The following DPP10 variants were observed in gnomAD, a reference collection of about 807,000 sequenced individuals.
DPP10 encodes dipeptidyl peptidase like 10, also known as inactive dipeptidyl peptidase 10.
In DPP10, 33 loss-of-function variants were observed where a neutral mutation model predicts 120.9. The observed-to-expected ratio is 0.27, with a 90% CI of 0.21 to 0.37. The LOEUF is 0.37. Among genes scored for constraint, DPP10 ranks in the 10% least tolerant of loss-of-function variants. DPP10 has a pLI of 1.00. For synonymous variants in DPP10, 337 were observed against 326.1 expected (o/e 1.03, Z -0.36); for missense variants, 816 against 942.8 (o/e 0.87, Z 1.76).
intron 1 of DPP10, among the ~76,000 whole-genome samples, chr2:115,032,842 G>T (rs550546212): frequency 2.0e-5 from 3 of 148,890 alleles, no homozygotes; most frequent in African/African-American, 7.5e-5. Flanking sequence ...CTGAGATCGC[G>T]CCATTGTACT....
At chr2:115,251,503 T>C (rs1262181125) in intron 1 of DPP10, among the ~76,000 whole-genome samples, 2 of 152,162 alleles carry the variant, frequency 1.3e-5, no homozygotes, top group South Asian at 4.1e-4. Context: ...CCCAGGATCT[T>C]AGCTCTAAGT....
Position 115,299,715 on chromosome 2 carries a change from C to T in DPP10, c.61-9524C>T, listed in dbSNP as rs527791417. Reference sequence around the variant, plus strand: ...AGTTTTGCTTCTGTATTTTTCTGTTCTTATTCATGCCACACATTATTCATT... The same window carrying T: ...AGTTTTGCTTCTGTATTTTTCTGTTTTTATTCATGCCACACATTATTCATT... On this transcript the variant is annotated intron_variant, in intron 1 of 25. Coordinates refer to ENST00000410059, the MANE Select transcript of DPP10 (RefSeq NM_020868.6). Among the ~76,000 whole-genome samples the T allele has an allele frequency of 3.3e-5, 5 of 152,040 alleles. No homozygotes were observed. The South Asian group carries it at 1.0e-3, about 32-fold the overall frequency.
intron 5 of DPP10, among the ~76,000 whole-genome samples, chr2:115,552,704 A>G (rs2079950932): frequency 6.6e-6 from 1 of 152,090 alleles, no homozygotes; most frequent in South Asian, 2.1e-4. Context: ...TTATCAATAA[A>G]TATTCATCAA....
intron 5 of DPP10, among the ~76,000 whole-genome samples, chr2:115,590,491 A>G (rs2082585513): frequency 1.3e-5 from 2 of 152,334 alleles, no homozygotes; most frequent in East Asian, 3.9e-4. Context: ...TACAAAGGAC[A>G]TGAACTCATC....
chr2:115,152,932 G>C (rs1045488749), intron 1 of DPP10, among the ~76,000 whole-genome samples: 17 of 152,168 alleles, frequency 1.1e-4, no homozygotes, highest in African/African-American at 3.6e-4. Context: ...ATAGTATAAT[G>C]AGTAGGATGA....
chr2:115,556,032 G>T (rs546741606), intron 5 of DPP10, among the ~76,000 whole-genome samples: 9 of 152,106 alleles, frequency 5.9e-5, no homozygotes, highest in Admixed American at 3.9e-4. Flanking sequence ...GCCATTTGAG[G>T]GTCCCCAGAG....
At position 115,239,709 on chromosome 2, in the gene DPP10, C is replaced by T. The variant is rs142374248; in HGVS notation, c.61-69530C>T. Among the ~76,000 whole-genome samples, 545 of 152,184 alleles carry T rather than the reference C, an allele frequency of 3.6e-3. 2 individuals carry two copies. The highest frequency in any genetic ancestry group is 0.013 in the African/African-American group (532 of 41,518). The stretch of plus-strand genomic sequence containing the variant: ...TGGTGGTTTGCCACACCCATCAACC[C>T]ATCATATACATTAGGTATTTCTCCT... On this transcript the variant is annotated intron_variant, in intron 1 of 25. Coordinates refer to ENST00000410059, the MANE Select transcript of DPP10 (RefSeq NM_020868.6).
intron 1 of DPP10, among the ~76,000 whole-genome samples, chr2:115,148,214 C>T (rs1282867569): frequency 6.6e-6 from 1 of 152,048 alleles, no homozygotes; most frequent in African/African-American, 2.4e-5. Context: ...AAAGAGTGGG[C>T]TCAGATCAGG....
chr2:115,307,572 T>C (rs1312619018), intron 1 of DPP10, among the ~76,000 whole-genome samples: 1 of 152,106 alleles, frequency 6.6e-6, no homozygotes, highest in Non-Finnish European at 1.5e-5. Context: ...ACTGTCTCAG[T>C]TCTTGAGATG....
chr2:114,788,547 C>A (rs1159329952), intron 1 of DPP10, among the ~76,000 whole-genome samples: 1 of 151,912 alleles, frequency 6.6e-6, no homozygotes, highest in African/African-American at 2.4e-5. Flanking sequence ...TCCCGAGTAG[C>A]TGGGACTACA....
At chr2:115,411,027 A>C (rs1229239924) in intron 3 of DPP10, among the ~76,000 whole-genome samples, 1 of 152,106 alleles carries the variant, frequency 6.6e-6, no homozygotes, top group Non-Finnish European at 1.5e-5. Context: ...ATAAATATAC[A>C]TAGAAAAGAC....
At chr2:115,592,612 T>G (rs1426851234) in intron 5 of DPP10, among the ~76,000 whole-genome samples, 1 of 150,592 alleles carries the variant, frequency 6.6e-6, no homozygotes, top group African/African-American at 2.4e-5. Context: ...AAAAATTAGC[T>G]GGGCGTGGTG....
chr2:115,257,896 G>A (rs1467656138), intron 1 of DPP10, among the ~76,000 whole-genome samples: 1 of 152,146 alleles, frequency 6.6e-6, no homozygotes, highest in African/African-American at 2.4e-5. Context: ...AAGTTATAAA[G>A]AGTCCTAGAA....
At chr2:115,787,868 G>A (rs1490848845) in intron 17 of DPP10, among the ~76,000 whole-genome samples, 1 of 152,112 alleles carries the variant, frequency 6.6e-6, no homozygotes, top group East Asian at 1.9e-4. Flanking sequence ...TAGTAAAAAC[G>A]AATGACTACA....
intron 3 of DPP10, among the ~76,000 whole-genome samples, chr2:115,484,942 G>A (rs772367934): frequency 1.3e-5 from 2 of 151,822 alleles, no homozygotes; most frequent in African/African-American, 4.8e-5. Flanking sequence ...ATCGTGTCAC[G>A]TGCCTGTAGT....
chr2:115,464,414 A>AAT (rs397735263), intron 3 of DPP10, among the ~76,000 whole-genome samples: 3 of 148,874 alleles, frequency 2.0e-5, no homozygotes, highest in Non-Finnish European at 4.5e-5. Flanking sequence ...CCAAAAAAAA[A>AAT]CACAAACAAA....
intron 1 of DPP10, among the ~76,000 whole-genome samples, chr2:114,872,710 G>A (rs562389997): frequency 7.2e-5 from 11 of 152,172 alleles, no homozygotes; most frequent in East Asian, 1.9e-4. Context: ...TCTCCAGCAC[G>A]CTTTTGGTAA....
chr2:114,693,965 C>T (rs770005648), intron 1 of DPP10, among the ~76,000 whole-genome samples: 12 of 151,898 alleles, frequency 7.9e-5, no homozygotes, highest in Middle Eastern at 3.4e-3. Context: ...CGTGTGTGTA[C>T]GATGAACCCA....
At chr2:114,821,509 TAC>T (rs1686085713) in intron 1 of DPP10, among the ~76,000 whole-genome samples, 1 of 152,094 alleles carries the variant, frequency 6.6e-6, no homozygotes. Context: ...TAATAACTCC[TAC>T]CACAAAAACA....
Sources: allele counts gnomAD v4.1 joint callset (sites outside exome capture counted in the v4.1 genomes callset), GRCh38; gene constraint gnomAD v4.1.1; transcripts MANE v1.5; gene names NCBI Gene and HGNC (gene_info 2026-07-23, HGNC 2026-07-21).